Variants in OCLN observed in about 807,000 individuals in gnomAD.
OCLN encodes the protein occludin, also known as phosphatase 1, regulatory subunit 115.
OCLN carries 21 observed loss-of-function variants against 47.9 expected under a neutral mutation model. That is an observed-to-expected ratio of 0.44 (90% CI 0.31 to 0.63). OCLN has a LOEUF of 0.63. Among genes scored for constraint, OCLN ranks in the 30% least tolerant of loss-of-function variants. The pLI, the probability that OCLN is intolerant of heterozygous loss-of-function variation, is 0.08. For missense variants in OCLN, 360 were observed against 571.0 expected, an observed-to-expected ratio of 0.63 and a Z score of 3.77; for synonymous variants, 117 against 198.4, an observed-to-expected ratio of 0.59 and a Z score of 3.45.
rs754185920 is a variant in OCLN, at chr5:69,514,073, CATTT to C, written c.858_861del (p.Ile286MetfsTer45). On this transcript the variant is annotated frameshift_variant, in exon 4 of 9. Transcript: ENST00000396442. LOFTEE classifies it high-confidence loss of function. ...CCAATATTTTGTGGGACAAGGAACACATTTATGATGAGCAGCCCCCCAATGTCGA... is the reference window on the plus strand; with the variant it reads ...CCAATATTTTGTGGGACAAGGAACACATGATGAGCAGCCCCCCAATGTCGA... The C allele has an allele frequency of 3.7e-6, 6 of 1,614,008 alleles. No homozygotes were observed. Among genetic ancestry groups the C allele is most frequent in the African/African-American group, 1.3e-5 (1 of 74,936 alleles).
At chr5:69,523,747 G>C (rs1306816904) in intron 4 of OCLN, among the ~76,000 whole-genome samples, 1 of 152,002 alleles carries the variant, frequency 6.6e-6, no homozygotes, top group Admixed American at 6.5e-5. Flanking sequence ...CGTTGGCCAG[G>C]CTGGTCTCAA....
At position 69,554,014 on chromosome 5, in the gene OCLN, GGT is replaced by G. The variant is rs1226480546; in HGVS notation, c.*345_*346del. ...ATACCTACATGTATTTGTTTGCATA[GGT>G]GATCTCATTTAATCCTCTCAACCAC... On this transcript the variant is annotated 3_prime_UTR_variant, in exon 9 of 9. Coordinates refer to ENST00000396442, the MANE Select transcript of OCLN (RefSeq NM_001205254.2). The G allele has an allele frequency of 6.1e-6, 1 of 163,056 alleles. No homozygotes were observed. Among genetic ancestry groups the G allele is most frequent in the Non-Finnish European group, 1.2e-5 (1 of 81,992 alleles). The allele number at this position is 163,056 out of a possible 1,614,324, so 10.1% of individuals were successfully genotyped here.
At chr5:69,494,108 T>C (rs1300224078) in intron 1 of OCLN, among the ~76,000 whole-genome samples, 2 of 152,182 alleles carry the variant, frequency 1.3e-5, no homozygotes, top group East Asian at 3.9e-4. Context: ...TGGTGATTCT[T>C]GGTGTGATAG....
rs1405705414 is a variant in OCLN at position 69,554,384 on chromosome 5, T to C, written c.*713T>C. On this transcript the variant is annotated 3_prime_UTR_variant, in exon 9 of 9. Transcript: ENST00000396442. Reference sequence around the variant, plus strand: ...AAGTTTAAACCCCGTGGTTAGAATTTTGTGTGTTTTTAAATACTTTTTATC... The same window carrying C: ...AAGTTTAAACCCCGTGGTTAGAATTCTGTGTGTTTTTAAATACTTTTTATC... The C allele has an allele frequency of 2.0e-5, 3 of 152,148 alleles. No homozygotes were observed. The highest frequency in any genetic ancestry group is 4.4e-5 in the Non-Finnish European group (3 of 68,036). The allele number at this position is 152,148 out of a possible 1,614,324, so 9.4% of individuals were successfully genotyped here.
In OCLN at chr5:69,555,779, T is replaced by C. The variant is rs1769964399; in HGVS notation, c.*2108T>C. The C allele has an allele frequency of 6.6e-6, 1 of 151,750 alleles. No individual in the cohort carries two copies. The highest frequency in any genetic ancestry group is 1.5e-5 in the Non-Finnish European group (1 of 67,964). 9.4% of individuals were successfully genotyped at this position (151,750 alleles called of 1,614,324 possible). A position where few individuals can be genotyped will look rare whatever the true frequency, so the allele number is the denominator to read the frequency against. ...TTAACTGATTTTTCTGTTAAAGTTTTAACAATTTGTTCTTGGAAGTCAGTT... is the reference window on the plus strand; with the variant it reads ...TTAACTGATTTTTCTGTTAAAGTTTCAACAATTTGTTCTTGGAAGTCAGTT... On this transcript the variant is annotated 3_prime_UTR_variant, in exon 9 of 9. Coordinates refer to ENST00000396442, the MANE Select transcript of OCLN (RefSeq NM_001205254.2).
intron 4 of OCLN, 67 bp downstream of exon 4, chr5:69,514,176 C>A: frequency 7.7e-7 from 1 of 1,306,634 alleles, no homozygotes; most frequent in Non-Finnish European, 1.1e-6. Context: ...ATTTTTAGTG[C>A]TTTGTTAAAC....
At chr5:69,499,232 G>A (rs377721948) in intron 1 of OCLN, among the ~76,000 whole-genome samples, 1 of 151,986 alleles carries the variant, frequency 6.6e-6, no homozygotes, top group Admixed American at 6.6e-5. Context: ...CACCATGCCT[G>A]GCTAATTTTA....
chr5:69,536,951 A>G (rs1769605734), intron 5 of OCLN, among the ~76,000 whole-genome samples: 1 of 148,890 alleles, frequency 6.7e-6, no homozygotes, highest in Non-Finnish European at 1.5e-5. Flanking sequence ...CTGGGCGACA[A>G]AGTGAGACTC....
intron 7 of OCLN, among the ~76,000 whole-genome samples, chr5:69,549,990 T>TA (rs1769821238): frequency 6.7e-6 from 1 of 150,262 alleles, no homozygotes; most frequent in South Asian, 2.1e-4. Flanking sequence ...TTTTTTTTTT[T>TA]ATATCAATAA....
At chr5:69,533,005 G>A (rs894776223) in intron 4 of OCLN, among the ~76,000 whole-genome samples, 5 of 144,578 alleles carry the variant, frequency 3.5e-5, no homozygotes, top group Admixed American at 2.8e-4. Context: ...ATGTATGTGT[G>A]TGTGTGTGTG....
At chr5:69,512,548 A>G (rs1768817175) in intron 3 of OCLN, among the ~76,000 whole-genome samples, 1 of 152,144 alleles carries the variant, frequency 6.6e-6, no homozygotes, top group African/African-American at 2.4e-5. Flanking sequence ...GCATTTCCAT[A>G]TGGATTTTAA....
chr5:69,507,832 C>T (rs1768650603), intron 2 of OCLN, among the ~76,000 whole-genome samples: 1 of 152,194 alleles, frequency 6.6e-6, no homozygotes, highest in South Asian at 2.1e-4. Context: ...TCTCGAACTC[C>T]TGACCTCAGG....
chr5:69,530,583 G>A (rs1210890468), intron 4 of OCLN: 2 of 152,084 alleles, frequency 1.3e-5, no homozygotes, highest in Non-Finnish European at 2.9e-5. Flanking sequence ...GACTGTTGGA[G>A]TCTGGCATCA....
In OCLN at chr5:69,509,678, A is replaced by G. The variant is rs1768722254; in HGVS notation, c.588A>G (p.Gly196=). The change falls in exon 3 of 9, where the codon GGA becomes GGG. Residue 196 remains glycine (G), a synonymous_variant. Transcript: ENST00000396442. The part of the protein sequence containing the change: ...VFIATIVYIM[G]VNPTAQSSGS... ...TTGCCACAATTGTCTATATAATGGGAGTGAACCCAACTGCTCAGTCTTCTG... is the reference window on the plus strand; with the variant it reads ...TTGCCACAATTGTCTATATAATGGGGGTGAACCCAACTGCTCAGTCTTCTG... The G allele has an allele frequency of 6.2e-7, 1 of 1,614,178 alleles. No individual in the cohort carries two copies. Among genetic ancestry groups the G allele is most frequent in the Non-Finnish European group, 8.5e-7 (1 of 1,180,022 alleles).
chr5:69,500,040 A>G (rs1324394983), intron 1 of OCLN, among the ~76,000 whole-genome samples: 4 of 152,186 alleles, frequency 2.6e-5, no homozygotes, highest in African/African-American at 9.7e-5. Context: ...CTGACATTAC[A>G]GAGATCTTGC....
chr5:69,550,011 C>T (rs1769821897), intron 7 of OCLN, among the ~76,000 whole-genome samples: 1 of 147,710 alleles, frequency 6.8e-6, no homozygotes, highest in African/African-American at 2.5e-5. Context: ...TAAAGACCTA[C>T]TTACTTTTAA....
At chr5:69,514,618 C>T (rs1768877037) in intron 4 of OCLN, among the ~76,000 whole-genome samples, 1 of 151,808 alleles carries the variant, frequency 6.6e-6, no homozygotes, top group Non-Finnish European at 1.5e-5. Context: ...GGAGGGTCAG[C>T]AGATAAACAA....
At chr5:69,509,036 T>C in intron 2 of OCLN, 105 bp from the exon 3 acceptor site, 1 of 987,328 alleles carries the variant, frequency 1.0e-6, no homozygotes, top group Non-Finnish European at 1.6e-6. Context: ...ACAGATAAGC[T>C]TTAGTTTCAT....
chr5:69,531,362 AG>A (rs1313081317), intron 4 of OCLN, among the ~76,000 whole-genome samples: 3 of 152,242 alleles, frequency 2.0e-5, no homozygotes, highest in Admixed American at 6.5e-5. Flanking sequence ...AGCTGGCAAA[AG>A]GGGAAGGGCA....
Sources: gnomAD v4.1 joint callset for allele counts (sites outside exome capture counted in the v4.1 genomes callset) on GRCh38, gnomAD v4.1.1 for gene constraint, MANE v1.5 for transcripts, NCBI Gene and HGNC (gene_info 2026-07-23, HGNC 2026-07-21) for gene names.